DCC: variants seen among roughly 807,000 people sequenced by gnomAD.
The protein encoded by DCC is netrin receptor DCC.
Under a neutral mutation model 172.5 loss-of-function variants are expected in DCC, and 58 were observed. The observed-to-expected ratio is 0.34, with a 90% CI of 0.27 to 0.42. The LOEUF (loss-of-function observed/expected upper bound fraction) is 0.42, where lower values mean the gene tolerates loss of function less well. Ranked by LOEUF, DCC falls within the 10% of genes least tolerant of loss-of-function variation. DCC has a pLI of 1.00. For synonymous variants in DCC, 709 were observed against 644.5 expected, an observed-to-expected ratio of 1.10 and a Z score of -1.52; for missense variants, 1,740 against 1,791.0, an observed-to-expected ratio of 0.97 and a Z score of 0.51.
At chr18:52,536,345 C>A (rs1199993318) in intron 1 of DCC, among the ~76,000 whole-genome samples, 1 of 151,538 alleles carries the variant, frequency 6.6e-6, no homozygotes, top group Non-Finnish European at 1.5e-5. Flanking sequence ...GACAGATGGA[C>A]TAAGTAGGCT....
chr18:52,394,429 C>T (rs1417008383), intron 1 of DCC, among the ~76,000 whole-genome samples: 2 of 150,676 alleles, frequency 1.3e-5, no homozygotes, highest in Admixed American at 1.3e-4. Context: ...CCATACCTGG[C>T]TAATTTTTTA....
intron 27 of DCC, among the ~76,000 whole-genome samples, chr18:53,519,371 T>C (rs1176094870): frequency 1.3e-5 from 2 of 151,972 alleles, no homozygotes; most frequent in African/African-American, 4.8e-5. Context: ...AATAATAATA[T>C]AGATCAGCTT....
intron 1 of DCC, among the ~76,000 whole-genome samples, chr18:52,427,694 ACT>A (rs138298501): frequency 0.021 from 3,207 of 151,840 alleles, 110 homozygotes; most frequent in African/African-American, 0.073. Flanking sequence ...TGATAAATTC[ACT>A]CTGTTTCAAT....
chr18:52,912,359 A>G (rs935607438), intron 3 of DCC, among the ~76,000 whole-genome samples: 1 of 151,930 alleles, frequency 6.6e-6, no homozygotes, highest in African/African-American at 2.4e-5. Flanking sequence ...AAATAATTCT[A>G]TTTTCATGTC....
intron 23 of DCC, among the ~76,000 whole-genome samples, chr18:53,458,561 G>C: frequency 6.6e-6 from 1 of 152,194 alleles, no homozygotes; most frequent in East Asian, 1.9e-4. Flanking sequence ...TAAATTTATA[G>C]TTGTTAAAGC....
intron 2 of DCC, among the ~76,000 whole-genome samples, chr18:52,859,172 A>G (rs1335476884): frequency 6.6e-6 from 1 of 152,116 alleles, no homozygotes; most frequent in Non-Finnish European, 1.5e-5. Flanking sequence ...ATAATGGCCC[A>G]TAGTGGTAAT....
chr18:53,287,985 C>T (rs182783290), intron 12 of DCC, among the ~76,000 whole-genome samples: 234 of 152,066 alleles, frequency 1.5e-3, no homozygotes, highest in Non-Finnish European at 2.0e-3. Context: ...TGAGCATGTA[C>T]GCAATCCTAA....
At chr18:53,503,868 CACACATATATTTAT>C (rs2046135361) in intron 27 of DCC, among the ~76,000 whole-genome samples, 1 of 152,192 alleles carries the variant, frequency 6.6e-6, no homozygotes, top group African/African-American at 2.4e-5. Context: ...TTGCATTTTA[CACACATATATTTAT>C]AAAAGCAAAA....
At chr18:53,217,801 A>C (rs2055876928) in intron 12 of DCC, among the ~76,000 whole-genome samples, 1 of 152,110 alleles carries the variant, frequency 6.6e-6, no homozygotes, top group African/African-American at 2.4e-5. Flanking sequence ...AGTTGAATAA[A>C]TAATGTGTTC....
intron 2 of DCC, among the ~76,000 whole-genome samples, chr18:52,857,965 T>G (rs1235127933): frequency 1.3e-5 from 2 of 152,174 alleles, no homozygotes; most frequent in African/African-American, 2.4e-5. Flanking sequence ...AAAAGAATAT[T>G]TGGAAATTAA....
At chr18:52,543,163 T>C (rs2032508024) in intron 1 of DCC, among the ~76,000 whole-genome samples, 1 of 152,292 alleles carries the variant, frequency 6.6e-6, no homozygotes, top group African/African-American at 2.4e-5. Flanking sequence ...AAAATAAGAA[T>C]GTGAACAGAG....
chr18:52,655,492 G>T (rs753607813), intron 1 of DCC, among the ~76,000 whole-genome samples: 1 of 151,980 alleles, frequency 6.6e-6, no homozygotes, highest in Non-Finnish European at 1.5e-5. Flanking sequence ...ATTAATTCAA[G>T]AATTTAATTC....
At chr18:52,756,248 G>C (rs924272120) in intron 2 of DCC, among the ~76,000 whole-genome samples, 1 of 151,802 alleles carries the variant, frequency 6.6e-6, no homozygotes, top group Non-Finnish European at 1.5e-5. Flanking sequence ...CTGAAGAAGG[G>C]AAGCAGCGCT....
chr18:53,128,949 C>T (rs2043611764), intron 7 of DCC, among the ~76,000 whole-genome samples: 1 of 147,880 alleles, frequency 6.8e-6, no homozygotes, highest in Non-Finnish European at 1.5e-5. Flanking sequence ...TGCAGTGGTG[C>T]GATCTCAGCA....
rs181704633 is a variant in DCC at position 52,912,963 on chromosome 18, T to A, written c.697+6635T>A. 2.1e-4 allele frequency among the ~76,000 whole-genome samples: 32 copies of A among 152,220 alleles called. No individual in the cohort carries two copies. The East Asian group carries it at 6.2e-3, about 29-fold the overall frequency. ...AATTTTATGAAATATGAGATTGTTCTATTTTTAGATTAATAAAAAATAGTT... is the reference window on the plus strand; with the variant it reads ...AATTTTATGAAATATGAGATTGTTCAATTTTTAGATTAATAAAAAATAGTT... On this transcript the variant is annotated intron_variant, in intron 3 of 28. Transcript: ENST00000442544.
At chr18:52,630,817 T>C (rs1568264292) in intron 1 of DCC, among the ~76,000 whole-genome samples, 1 of 152,234 alleles carries the variant, frequency 6.6e-6, no homozygotes, top group African/African-American at 2.4e-5. Flanking sequence ...GTGGGCCTAC[T>C]ACCTTGTACA....
chr18:52,456,736 G>T (rs1988468213), intron 1 of DCC, among the ~76,000 whole-genome samples: 1 of 152,082 alleles, frequency 6.6e-6, no homozygotes, highest in Admixed American at 6.6e-5. Context: ...AATTCCTGTG[G>T]ATAGACCCTA....
At chr18:52,586,082 C>CAAAAAAAAAAA (rs5824949) in intron 1 of DCC, among the ~76,000 whole-genome samples, 2 of 73,236 alleles carry the variant, frequency 2.7e-5, no homozygotes, top group Admixed American at 2.1e-4. Flanking sequence ...GACTCCGTCT[C>CAAAAAAAAAAA]AAAAAAAAAA....
At chr18:52,360,199 T>C (rs974354361) in intron 1 of DCC, among the ~76,000 whole-genome samples, 2 of 152,246 alleles carry the variant, frequency 1.3e-5, no homozygotes, top group Non-Finnish European at 2.9e-5. Flanking sequence ...CACTTCTAGA[T>C]TATTGAGTAT....
Sources: gnomAD v4.1 joint callset for allele counts (sites outside exome capture counted in the v4.1 genomes callset) on GRCh38, gnomAD v4.1.1 for gene constraint, MANE v1.5 for transcripts, NCBI Gene and HGNC (gene_info 2026-07-23, HGNC 2026-07-21) for gene names.